The following TEC variants were observed in gnomAD, a reference collection of about 807,000 sequenced individuals.
TEC encodes tyrosine-protein kinase Tec.
In TEC, 72 loss-of-function variants were observed where a neutral mutation model predicts 93.0. That is an observed-to-expected ratio of 0.77 (90% CI 0.64 to 0.94). The LOEUF (loss-of-function observed/expected upper bound fraction) is 0.94, where lower values mean the gene tolerates loss of function less well. Among genes scored for constraint, TEC ranks in the 40% least tolerant of loss-of-function variants. The probability of loss-of-function intolerance (pLI) is 0.00; values close to 1 mark genes in which losing one functional copy is unlikely to be tolerated. For missense variants in TEC, 630 were observed against 757.9 expected, an observed-to-expected ratio of 0.83 and a Z score of 1.98; for synonymous variants, 249 against 247.7, an observed-to-expected ratio of 1.01 and a Z score of -0.05.
At chr4:48,235,391 G>A (rs1723757633) in intron 1 of TEC, among the ~76,000 whole-genome samples, 1 of 152,134 alleles carries the variant, frequency 6.6e-6, no homozygotes, top group Admixed American at 6.5e-5. Flanking sequence ...TTGAAAAAAT[G>A]AAAATGATTC....
At chr4:48,240,994 AC>A (rs1723909387) in intron 1 of TEC, among the ~76,000 whole-genome samples, 2 of 152,166 alleles carry the variant, frequency 1.3e-5, no homozygotes, top group South Asian at 4.1e-4. Context: ...TTGATAGAAA[AC>A]ATTCTCATAG....
chr4:48,261,080 G>C (rs1245046122), intron 1 of TEC, among the ~76,000 whole-genome samples: 1 of 152,160 alleles, frequency 6.6e-6, no homozygotes, highest in Non-Finnish European at 1.5e-5. Context: ...TTGCCTGGGG[G>C]AAGCAAGATG....
At chr4:48,212,110 A>AAAAAAAAAAAAAAAAAAAAATATAT in intron 2 of TEC, among the ~76,000 whole-genome samples, 1 of 122,266 alleles carries the variant, frequency 8.2e-6, no homozygotes, top group African/African-American at 3.0e-5. Context: ...AAAAAAAAAA[A>AAAAAAAAAAAAAAAAAAAAATATAT]ATATATATAT....
At chr4:48,228,431 G>C in intron 2 of TEC, 46 bp downstream of exon 2, 10 of 1,500,370 alleles carry the variant, frequency 6.7e-6, no homozygotes, top group Non-Finnish European at 8.9e-6. Flanking sequence ...TTATAAAATC[G>C]TTATCTACAT....
At chr4:48,193,700 G>A (rs1283266041) in intron 2 of TEC, among the ~76,000 whole-genome samples, 1 of 151,728 alleles carries the variant, frequency 6.6e-6, no homozygotes, top group East Asian at 1.9e-4. Context: ...GGTTAATACT[G>A]ACTAGTAGCA....
chr4:48,223,973 G>T (rs1421127388), intron 2 of TEC, among the ~76,000 whole-genome samples: 2 of 152,152 alleles, frequency 1.3e-5, no homozygotes, highest in Non-Finnish European at 2.9e-5. Context: ...CACATCCTCT[G>T]GGACTCTACT....
At chr4:48,231,626 G>A (rs576031112) in intron 1 of TEC, among the ~76,000 whole-genome samples, 79 of 152,128 alleles carry the variant, frequency 5.2e-4, no homozygotes, top group African/African-American at 1.8e-3. Context: ...GCGTGGTGGC[G>A]GGGGCCTGTA....
intron 9 of TEC, among the ~76,000 whole-genome samples, chr4:48,155,376 A>G (rs1577705320): frequency 6.6e-6 from 1 of 152,212 alleles, no homozygotes. Flanking sequence ...CAAATTTTCT[A>G]CTTGATAGTC....
chr4:48,250,967 C>G (rs376542928), intron 1 of TEC, among the ~76,000 whole-genome samples: 2 of 152,192 alleles, frequency 1.3e-5, no homozygotes, highest in African/African-American at 4.8e-5. Flanking sequence ...CCATCATTAT[C>G]CCGCATCAGG....
At position 48,236,456 on chromosome 4, in the gene TEC, G is replaced by T. The variant is rs1295230553; in HGVS notation, c.-45-7797C>A. 6.6e-5 allele frequency among the ~76,000 whole-genome samples: 10 copies of T among 151,908 alleles called. No homozygotes were observed. The East Asian group carries it at 1.9e-3, about 29-fold the overall frequency. ...GCCACTACGCCCGGTTAATTTTTTT[G>T]TATTTTTAGTAGAGACAGGGTTTCA... is the stretch of plus-strand genomic sequence containing the variant. On this transcript the variant is annotated intron_variant, in intron 1 of 17. Transcript: ENST00000381501.
chr4:48,170,321 A>T lies in TEC; in HGVS notation c.381T>A (p.Asp127Glu), dbSNP rs1203145607. Residue 127 changes from aspartate to glutamate, a missense_variant, in exon 5 of 18, where the codon GAT (aspartate) becomes GAA (glutamate). By Grantham distance (45) the Asp-to-Glu change is conservative (BLOSUM62 2). Transcript: ENST00000381501. ...TTTGTCTACAACACTGATAACTTCC[A>T]TCTGTCCAGAATTTAGGATGATATT... Reference protein sequence around the residue: ...MIKYHPKFWTDGSYQCCRQTE... With the variant: ...MIKYHPKFWTEGSYQCCRQTE... 6.6e-7 allele frequency: 1 copy of T among 1,524,358 alleles called. No homozygotes were observed. Among genetic ancestry groups the T allele is most frequent in the African/African-American group, 1.4e-5 (1 of 73,044 alleles). The allele number at this position is 1,524,358 out of a possible 1,614,324, so 94.4% of individuals were successfully genotyped here. A position where few individuals can be genotyped will look rare whatever the true frequency, so the allele number is the denominator to read the frequency against.
intron 2 of TEC, among the ~76,000 whole-genome samples, chr4:48,180,810 T>A (rs1297339317): frequency 1.3e-5 from 2 of 152,130 alleles, no homozygotes; most frequent in African/African-American, 2.4e-5. Context: ...GAATCAGGAG[T>A]GCAGTACTGC....
At chr4:48,139,979 G>A (rs1184340830) in intron 15 of TEC, among the ~76,000 whole-genome samples, 1 of 152,210 alleles carries the variant, frequency 6.6e-6, no homozygotes, top group East Asian at 1.9e-4. Flanking sequence ...TTTTTGAGTG[G>A]TTGATACAAA....
In TEC at chr4:48,149,661, T is replaced by C; in HGVS notation, c.902A>G (p.His301Arg). ...GEGSSGFRHYHIKETTTSPKK... is the reference protein window; with the variant it reads ...GEGSSGFRHYRIKETTTSPKK... The stretch of plus-strand genomic sequence containing the variant: ...TGGAGATGTTGTTGTTTCCTTTATA[T>C]GATAATGCCTAAAACCCGATGAACC... The change falls in exon 11 of 18, where the codon CAT becomes CGT. Residue 301 changes from histidine (H) to arginine (R), a missense_variant. By Grantham distance (29) the His-to-Arg change is conservative (BLOSUM62 0). Coordinates refer to ENST00000381501, the MANE Select transcript of TEC (RefSeq NM_003215.3). The C allele has an allele frequency of 1.2e-6, 2 of 1,610,750 alleles. No homozygotes were observed. The highest frequency in any genetic ancestry group is 1.7e-6 in the Non-Finnish European group (2 of 1,179,038).
chr4:48,240,351 G>A (rs1296311492), intron 1 of TEC, among the ~76,000 whole-genome samples: 1 of 152,040 alleles, frequency 6.6e-6, no homozygotes, highest in Non-Finnish European at 1.5e-5. Flanking sequence ...AAAGGAGGGA[G>A]GGGGAAAAAA....
At chr4:48,203,325 ACT>A (rs1722593741) in intron 2 of TEC, among the ~76,000 whole-genome samples, 1 of 149,396 alleles carries the variant, frequency 6.7e-6, no homozygotes. Context: ...AGATTGCACC[ACT>A]GCACTCCAGC....
chr4:48,227,602 C>G (rs1252630806), intron 2 of TEC, among the ~76,000 whole-genome samples: 1 of 144,320 alleles, frequency 6.9e-6, no homozygotes, highest in African/African-American at 2.6e-5. Flanking sequence ...GAGATCGCAT[C>G]ACTGCACTCC....
intron 2 of TEC, among the ~76,000 whole-genome samples, chr4:48,222,448 T>C (rs1723298288): frequency 6.6e-6 from 1 of 152,028 alleles, no homozygotes; most frequent in Non-Finnish European, 1.5e-5. Context: ...AAGCCTGCAG[T>C]AGAGAAAATT....
In TEC at chr4:48,170,367, T is replaced by A. The variant is rs772564593; in HGVS notation, c.335A>T (p.Asn112Ile). 110 of 1,396,618 alleles carry A rather than the reference T, an allele frequency of 7.9e-5. No individual in the cohort carries two copies. The highest frequency in any genetic ancestry group is 9.9e-5 in the Non-Finnish European group (99 of 995,670). 86.5% of individuals were successfully genotyped at this position (1,396,618 alleles called of 1,614,324 possible). Residue 112 changes from asparagine to isoleucine, a missense_variant, in exon 5 of 18, where the codon AAC (asparagine) becomes ATC (isoleucine). Transcript: ENST00000381501. ...ATATTTAATCATAATATTATTGTTG[T>A]TCTTTATTTCTGTAATTCACAGATA... ...WVKKLKEEIK[N>I]NNNIMIKYHP...
Sources: gnomAD v4.1 joint callset for allele counts (sites outside exome capture counted in the v4.1 genomes callset) on GRCh38, gnomAD v4.1.1 for gene constraint, MANE v1.5 for transcripts, NCBI Gene and HGNC (gene_info 2026-07-23, HGNC 2026-07-21) for gene names.